RIC3: variants seen among roughly 807,000 people sequenced by gnomAD.
The protein encoded by RIC3 is protein RIC-3.
A neutral mutation model predicts 27.3 loss-of-function variants in RIC3; 28 were observed. That is an observed-to-expected ratio of 1.02 (90% CI 0.76 to 1.41). The LOEUF is 1.41. Ranked by LOEUF, RIC3 falls within the 40% of genes most tolerant of loss-of-function variation. The probability of loss-of-function intolerance (pLI) is 0.00; values close to 1 mark genes in which losing one functional copy is unlikely to be tolerated. For missense variants in RIC3, 501 were observed against 444.7 expected (o/e 1.13, Z -1.14); for synonymous variants, 184 against 160.4 (o/e 1.15, Z -1.11).
intron 1 of RIC3, among the ~76,000 whole-genome samples, chr11:8,163,483 TA>T (rs1215562983): frequency 1.2e-4 from 17 of 147,446 alleles, no homozygotes; most frequent in African/African-American, 2.0e-4. Context: ...GCATTCAGAT[TA>T]AAAAAAAAAG....
rs190473429 is a variant in RIC3 at position 8,122,951 on chromosome 11, G to T, written c.670+3708C>A. The stretch of plus-strand genomic sequence containing the variant: ...CAGAAACATTCCCAGAAATGGCATG[G>T]ATGATGAAATTAGCAATTAAAACAG... On this transcript the variant is annotated intron_variant, in intron 5 of 5. Transcript: ENST00000309737. Among the ~76,000 whole-genome samples the T allele has an allele frequency of 2.0e-5, 3 of 151,066 alleles. No individual in the cohort carries two copies. In the East Asian group the frequency reaches 5.8e-4, roughly 29 times the overall value.
chr11:8,144,731 G>A (rs918237091), intron 1 of RIC3, among the ~76,000 whole-genome samples: 3 of 151,574 alleles, frequency 2.0e-5, no homozygotes, highest in East Asian at 1.9e-4. Context: ...ACATGCACAC[G>A]TATGTTTATT....
chr11:8,098,869 G>A, the RIC3 span: 1 of 1,612,762 alleles, frequency 6.2e-7, no homozygotes, highest in Non-Finnish European at 8.5e-7. Context: ...TGGCAGCTGT[G>A]TGCTACGTGA....
At chr11:8,100,579 G>C in the RIC3 span, 1 of 1,614,098 alleles carries the variant, frequency 6.2e-7, no homozygotes, top group Non-Finnish European at 8.5e-7. Context: ...GTTCATGAGA[G>C]AGTCTCTATC....
rs1949326110 is a variant in RIC3 at position 8,143,690 on chromosome 11, T to C, written c.125-3497A>G. On this transcript the variant is annotated intron_variant, in intron 1 of 5. Transcript: ENST00000309737. ...TTGGAAAAAACTACTTTAAAGTTCA[T>C]ATGGAACCAAAAAAGAGCCCGCATC... Among the ~76,000 whole-genome samples the C allele has an allele frequency of 2.6e-5, 4 of 152,212 alleles. No individual in the cohort carries two copies. In the South Asian group the frequency reaches 8.3e-4, roughly 32 times the overall value.
At chr11:8,115,410 G>C (rs978820749) in intron 5 of RIC3, among the ~76,000 whole-genome samples, 10 of 152,024 alleles carry the variant, frequency 6.6e-5, no homozygotes, top group Admixed American at 4.6e-4. Flanking sequence ...AAAGCTGAAG[G>C]AGCTTATCCC....
rs1195102034 is a variant in RIC3 at position 8,109,991 on chromosome 11, G to C, written c.*707C>G. On this transcript the variant is annotated 3_prime_UTR_variant, in exon 6 of 6. Transcript: ENST00000309737. Reference sequence around the variant, plus strand: ...CTTCTGGGCTTGGCAGTTCTGTTAAGCAGAACAGGGGTAAAGGAAGCTAGA... The same window carrying C: ...CTTCTGGGCTTGGCAGTTCTGTTAACCAGAACAGGGGTAAAGGAAGCTAGA... The C allele has an allele frequency of 6.5e-6, 1 of 153,228 alleles. No homozygotes were observed. Among genetic ancestry groups the C allele is most frequent in the African/African-American group, 2.4e-5 (1 of 41,450 alleles). 9.5% of individuals were successfully genotyped at this position (153,228 alleles called of 1,614,324 possible). A position where few individuals can be genotyped will look rare whatever the true frequency, so the allele number is the denominator to read the frequency against.
At chr11:8,130,716 T>C (rs1022355777) in intron 4 of RIC3, among the ~76,000 whole-genome samples, 6 of 152,104 alleles carry the variant, frequency 3.9e-5, no homozygotes, top group African/African-American at 1.4e-4. Flanking sequence ...GCACAGCAAA[T>C]CATGACATTT....
the RIC3 span, chr11:8,100,588 T>C: frequency 6.2e-7 from 1 of 1,613,902 alleles, no homozygotes; most frequent in African/African-American, 1.3e-5. Context: ...AGAGTCTCTA[T>C]CCGCCCCCGC....
intron 4 of RIC3, among the ~76,000 whole-genome samples, chr11:8,136,858 T>G (rs373400576): frequency 6.6e-6 from 1 of 152,178 alleles, no homozygotes; most frequent in Non-Finnish European, 1.5e-5. Context: ...TCACAATAAT[T>G]TGCACATTAA....
In RIC3 at chr11:8,113,240, T is replaced by A. The variant is rs533369640; in HGVS notation, c.671-2103A>T. On this transcript the variant is annotated intron_variant, in intron 5 of 5. Coordinates refer to ENST00000309737, the MANE Select transcript of RIC3 (RefSeq NM_001206671.4). ...TAAAAGAAGTCCATTTGCTGGCATG[T>A]CCCTGTCTTCCCACACTTAGAACAA... Among the ~76,000 whole-genome samples the A allele has an allele frequency of 4.6e-5, 7 of 152,328 alleles. No individual in the cohort carries two copies. The East Asian group carries it at 1.4e-3, about 29-fold the overall frequency.
intron 1 of RIC3, among the ~76,000 whole-genome samples, chr11:8,145,695 T>C (rs1949607939): frequency 6.6e-6 from 1 of 151,990 alleles, no homozygotes. Flanking sequence ...CATTTTTTTT[T>C]TCTCCATCAA....
intron 1 of RIC3, among the ~76,000 whole-genome samples, chr11:8,165,837 T>C (rs1194757426): frequency 3.3e-5 from 5 of 150,356 alleles, no homozygotes; most frequent in African/African-American, 1.2e-4. Flanking sequence ...GCAGTGCAGT[T>C]ACACAATCAC....
At position 8,111,074 on chromosome 11, in the gene RIC3, G is replaced by A; in HGVS notation, c.734C>T (p.Thr245Ile). Residue 245 changes from threonine (T) to isoleucine (I), a missense_variant, in exon 6 of 6, where the codon ACA (threonine) becomes ATA (isoleucine). Coordinates refer to ENST00000309737, the MANE Select transcript of RIC3 (RefSeq NM_001206671.4). ...TGGGTCAGGGTAATCCACCAAGATTGTTTCTTGCCTACGCTTGATACAGTC... is the reference window on the plus strand; with the variant it reads ...TGGGTCAGGGTAATCCACCAAGATTATTTCTTGCCTACGCTTGATACAGTC... The part of the protein sequence containing the change: ...LSDCIKRRQE[T>I]ILVDYPDPKE... The A allele has an allele frequency of 1.2e-6, 2 of 1,613,900 alleles. No individual in the cohort carries two copies. The highest frequency in any genetic ancestry group is 3.3e-4 in the Middle Eastern group (2 of 6,062).
In RIC3 at chr11:8,126,701, C is replaced by T. The variant is rs1947027099; in HGVS notation, c.628G>A (p.Glu210Lys). 6.2e-7 allele frequency: 1 copy of T among 1,614,166 alleles called. No individual in the cohort carries two copies. The change falls in exon 5 of 6, where the codon GAG (glutamate) becomes AAG (lysine). Residue 210 changes from glutamate to lysine, a missense_variant. By Grantham distance (56) the Glu-to-Lys change is moderately conservative. Coordinates refer to ENST00000309737, the MANE Select transcript of RIC3 (RefSeq NM_001206671.4). Reference protein sequence around the residue: ...EGKFIDRFSPEKEAEEAPYME... With the variant: ...EGKFIDRFSPKKEAEEAPYME... ...TAAGGGGCCTCCTCAGCTTCTTTCT[C>T]TGGAGAAAATCTGTCAATGAATTTT...
chr11:8,161,445 A>G (rs1286634365), intron 1 of RIC3, among the ~76,000 whole-genome samples: 1 of 152,018 alleles, frequency 6.6e-6, no homozygotes, highest in Non-Finnish European at 1.5e-5. Flanking sequence ...CCTCTCCCTC[A>G]CTTTCCCATT....
At chr11:8,133,909 C>T (rs567341232) in intron 4 of RIC3, among the ~76,000 whole-genome samples, 1 of 151,988 alleles carries the variant, frequency 6.6e-6, no homozygotes, top group Admixed American at 6.5e-5. Context: ...CATGTTGTCT[C>T]TTACCCCAAG....
At chr11:8,159,372 A>C (rs577466515) in intron 1 of RIC3, among the ~76,000 whole-genome samples, 1 of 152,222 alleles carries the variant, frequency 6.6e-6, no homozygotes, top group East Asian at 1.9e-4. Flanking sequence ...CAAATGGGGA[A>C]GAGAATTACA....
downstream of RIC3, chr11:8,103,083 C>T (rs1364001035): frequency 6.6e-6 from 1 of 152,188 alleles, no homozygotes; most frequent in African/African-American, 2.4e-5. Flanking sequence ...TGTGTCTGGC[C>T]CCTCCGCGAG....
Sources: allele counts gnomAD v4.1 joint callset (sites outside exome capture counted in the v4.1 genomes callset), GRCh38; gene constraint gnomAD v4.1.1; transcripts MANE v1.5; gene names NCBI Gene and HGNC (gene_info 2026-07-23, HGNC 2026-07-21).